Variants in EMC1 observed in about 807,000 individuals in gnomAD.
The protein encoded by EMC1 is ER membrane protein complex subunit 1.
Under a neutral mutation model 128.8 loss-of-function variants are expected in EMC1, and 103 were observed. The ratio of observed to expected loss-of-function variants is 0.80; its 90% CI spans 0.68 to 0.94. The LOEUF (loss-of-function observed/expected upper bound fraction) is 0.94. Ranked by LOEUF, EMC1 falls within the 40% of genes least tolerant of loss-of-function variation. The pLI is 0.00. For missense variants in EMC1, 1,083 were observed against 1,250.6 expected (o/e 0.87, Z 2.02); for synonymous variants, 442 against 490.4 (o/e 0.90, Z 1.30).
At position 19,232,717 on chromosome 1, in the gene EMC1, AT is replaced by A. The variant is rs756225261; in HGVS notation, c.1688del (p.Asn563MetfsTer10). Reference sequence around the variant, plus strand: ...GTTTAAAGGAGGAGTCTGGCTTGACATTGGGTAGATACTGTTTCCACAGGAT... The same window carrying A: ...GTTTAAAGGAGGAGTCTGGCTTGACATGGGTAGATACTGTTTCCACAGGAT... ...GTILWKQYLP[N>X]VKPDSSFKLM... On this transcript the variant is annotated frameshift_variant, in exon 15 of 23. Coordinates refer to ENST00000477853, the MANE Select transcript of EMC1 (RefSeq NM_015047.3). LOFTEE classifies it high-confidence loss of function. 1.9e-6 allele frequency: 3 copies of A among 1,614,146 alleles called. No homozygotes were observed. Among genetic ancestry groups the A allele is most frequent in the Non-Finnish European group, 2.5e-6 (3 of 1,180,022 alleles).
chr1:19,227,272 C>T (rs749324572), intron 18 of EMC1, 41 bp downstream of exon 18: 9 of 1,610,518 alleles, frequency 5.6e-6, no homozygotes, highest in African/African-American at 2.7e-5. Context: ...TTTCCTGATT[C>T]GAAAGCCCTT....
intron 4 of EMC1, among the ~76,000 whole-genome samples, chr1:19,242,954 G>A (rs763533664): frequency 6.6e-6 from 1 of 152,164 alleles, no homozygotes; most frequent in African/African-American, 2.4e-5. Context: ...AACAACTTTA[G>A]GGGCCAGGCC....
At chr1:19,236,381 G>A (rs2093563590) in intron 12 of EMC1, among the ~76,000 whole-genome samples, 1 of 151,684 alleles carries the variant, frequency 6.6e-6, no homozygotes, top group Admixed American at 6.6e-5. Context: ...AAAGAGCCAG[G>A]CACGGTGGCT....
chr1:19,236,813 C>G (rs2093568025), intron 12 of EMC1, among the ~76,000 whole-genome samples: 1 of 150,132 alleles, frequency 6.7e-6, no homozygotes. Flanking sequence ...ACTGAAAATA[C>G]AAAAATTAGC....
intron 18 of EMC1, 65 bp from the exon 19 acceptor site, chr1:19,223,634 T>C: frequency 6.7e-7 from 1 of 1,486,028 alleles, no homozygotes; most frequent in Non-Finnish European, 9.2e-7. Context: ...ATTCCTGTGC[T>C]GTGAGACCAA....
Position 19,230,298 on chromosome 1 carries a change from C to A in EMC1, c.2064+546G>T, listed in dbSNP as rs563007250. Among the ~76,000 whole-genome samples the A allele has an allele frequency of 1.6e-4, 24 of 152,290 alleles. 2 individuals carry two copies. The highest frequency in any genetic ancestry group is 5.8e-4 in the African/African-American group (24 of 41,544). On this transcript the variant is annotated intron_variant, in intron 17 of 22. Transcript: ENST00000477853. ...TATAGAAAAATAATGGGGCCAGGCG[C>A]GGTGGCTCACGCCTGTAATCCCAGC...
chr1:19,227,249 T>G lies in EMC1; in HGVS notation c.2202+64A>C, dbSNP rs80235211. 3.8e-3 allele frequency: 6,096 copies of G among 1,592,882 alleles called. 232 individuals carry two copies. In the African/African-American group the frequency reaches 0.073, roughly 19 times the overall value. ...TATGTACCAAGTCCTACAGCCAGACTTGAAGCCCTTGTTTTCCTGATTCGA... is the reference window on the plus strand; with the variant it reads ...TATGTACCAAGTCCTACAGCCAGACGTGAAGCCCTTGTTTTCCTGATTCGA... On this transcript the variant is annotated intron_variant, in intron 18 of 22. Coordinates refer to ENST00000477853, the MANE Select transcript of EMC1 (RefSeq NM_015047.3).
intron 4 of EMC1, 93 bp downstream of exon 4, chr1:19,243,520 GA>G: frequency 8.5e-6 from 10 of 1,174,112 alleles, no homozygotes; most frequent in Non-Finnish European, 1.3e-5. Context: ...TGGTCCCTGG[GA>G]AAAAGCCAAA....
chr1:19,229,402 A>C (rs1290383080), intron 17 of EMC1: 1 of 152,176 alleles, frequency 6.6e-6, no homozygotes, highest in Non-Finnish European at 1.5e-5. Flanking sequence ...CAAAGGCAGC[A>C]CACTCCCTTG....
intron 1 of EMC1, among the ~76,000 whole-genome samples, chr1:19,248,526 TCTC>T (rs2093642101): frequency 6.7e-6 from 1 of 149,964 alleles, no homozygotes; most frequent in South Asian, 2.1e-4. Flanking sequence ...TTCAAGTAAT[TCTC>T]CTGCCTCAGC....
chr1:19,227,093 T>C (rs376230970), intron 18 of EMC1, among the ~76,000 whole-genome samples: 19 of 152,146 alleles, frequency 1.2e-4, no homozygotes, highest in South Asian at 2.1e-4. Context: ...ACTTACCATA[T>C]GCTAGGCACT....
At chr1:19,240,192 G>T in intron 7 of EMC1, 105 bp downstream of exon 7, 1 of 1,442,982 alleles carries the variant, frequency 6.9e-7, no homozygotes. Context: ...GGCTTCCACT[G>T]CTCAGGAAGA....
chr1:19,226,246 G>A (rs1015031099), intron 18 of EMC1, among the ~76,000 whole-genome samples: 9 of 152,134 alleles, frequency 5.9e-5, no homozygotes, highest in Non-Finnish European at 1.3e-4. Flanking sequence ...TAACTAGAGT[G>A]TTGGATCACA....
chr1:19,222,772 G>C lies in EMC1; in HGVS notation c.2439C>G (p.Gly813=), dbSNP rs1238076293. Residue 813 remains glycine, a synonymous_variant, in exon 20 of 23, where the codon GGC becomes GGG. Transcript: ENST00000477853. The part of the protein sequence containing the change: ...NEFTVLELYE[G]TEQYNATAFS... ...AGGCGGTGGCGTTGTATTGCTCAGT[G>C]CCCTCATAGAGCTCCAGTACGGTAA... The C allele has an allele frequency of 6.2e-7, 1 of 1,613,994 alleles. No individual in the cohort carries two copies. Among genetic ancestry groups the C allele is most frequent in the East Asian group, 2.2e-5 (1 of 44,894 alleles).
At chr1:19,233,190 G>T in intron 13 of EMC1, 55 bp from the exon 14 acceptor site, 2 of 1,478,538 alleles carry the variant, frequency 1.4e-6, no homozygotes, top group Non-Finnish European at 1.9e-6. Context: ...CCATAAGGAG[G>T]TACATGATTT....
At chr1:19,241,911 G>T (rs1477045229) in intron 5 of EMC1, among the ~76,000 whole-genome samples, 1 of 152,024 alleles carries the variant, frequency 6.6e-6, no homozygotes, top group Non-Finnish European at 1.5e-5. Flanking sequence ...TCCCAATTTC[G>T]ATGCTTTCTA....
At chr1:19,251,349 G>T in intron 1 of EMC1, 66 bp downstream of exon 1, 2 of 1,391,642 alleles carry the variant, frequency 1.4e-6, no homozygotes, top group Non-Finnish European at 2.0e-6. Context: ...ACAACCTTTA[G>T]CAGGTAGGAG....
At chr1:19,247,636 G>A (rs1397682036) in intron 1 of EMC1, among the ~76,000 whole-genome samples, 2 of 152,164 alleles carry the variant, frequency 1.3e-5, no homozygotes, top group African/African-American at 4.8e-5. Context: ...AAATGACTGT[G>A]TTACTGGTTT....
Position 19,238,832 on chromosome 1 carries a change from C to T in EMC1, c.1052G>A (p.Gly351Glu). The T allele has an allele frequency of 1.2e-6, 2 of 1,611,742 alleles. No individual in the cohort carries two copies. The highest frequency in any genetic ancestry group is 1.7e-6 in the Non-Finnish European group (2 of 1,177,954). ...EVQKSSSSED[G>E]SMGSFSEKSS... ...CTTCTCCGAAAAGCTCCCCATTGACCCATCTTCAGAACTGCTACTTTTCTG... is the reference window on the plus strand; with the variant it reads ...CTTCTCCGAAAAGCTCCCCATTGACTCATCTTCAGAACTGCTACTTTTCTG... Residue 351 changes from glycine to glutamate, a missense_variant, in exon 10 of 23, where the codon GGG (glycine) becomes GAG (glutamate). Physicochemically the swap from Gly to Glu is moderately conservative, Grantham distance 98. This residue lies in a region of EMC1 where 544 missense variants were observed against 572.4 expected (regional missense o/e 0.95). Transcript: ENST00000477853.
Sources: allele counts gnomAD v4.1 joint callset (sites outside exome capture counted in the v4.1 genomes callset), GRCh38; gene constraint gnomAD v4.1.1; regional missense constraint gnomAD v4.1.1; transcripts MANE v1.5; gene names NCBI Gene and HGNC (gene_info 2026-07-23, HGNC 2026-07-21).